Variants in DUSP19 observed in about 807,000 individuals in gnomAD.
The protein encoded by DUSP19 is dual specificity phosphatase 19.
DUSP19 carries 14 observed loss-of-function variants against 16.6 expected under a neutral mutation model. That is an observed-to-expected ratio of 0.84 (90% CI 0.56 to 1.32). The LOEUF is 1.32. Ranked by LOEUF, DUSP19 falls within the 40% of genes most tolerant of loss-of-function variation. The pLI, the probability that DUSP19 is intolerant of heterozygous loss-of-function variation, is 0.00. For synonymous variants in DUSP19, 81 were observed against 90.5 expected, an observed-to-expected ratio of 0.90 and a Z score of 0.59; for missense variants, 258 against 255.9, an observed-to-expected ratio of 1.01 and a Z score of -0.06.
At chr2:183,086,651 GAAAAAAA>G (rs71008262) in intron 2 of DUSP19, among the ~76,000 whole-genome samples, 6 of 95,710 alleles carry the variant, frequency 6.3e-5, no homozygotes, top group Non-Finnish European at 8.2e-5. Context: ...CCTCTTCTCT[GAAAAAAA>G]AAAAAAAAAA....
intron 2 of DUSP19, among the ~76,000 whole-genome samples, chr2:183,084,460 A>T (rs1699634983): frequency 6.6e-6 from 1 of 152,086 alleles, no homozygotes; most frequent in Non-Finnish European, 1.5e-5. Flanking sequence ...GTTCATACAG[A>T]ATAAATGATA....
chr2:183,081,348 C>T (rs1699589991), intron 1 of DUSP19, among the ~76,000 whole-genome samples: 1 of 152,158 alleles, frequency 6.6e-6, no homozygotes, highest in African/African-American at 2.4e-5. Context: ...CAGGCTCCAG[C>T]GATCGTCCCA....
chr2:183,094,788 A>G (rs1699776460), intron 3 of DUSP19, among the ~76,000 whole-genome samples: 1 of 152,228 alleles, frequency 6.6e-6, no homozygotes. Context: ...GTGCAAGGGT[A>G]GAAAATTTTT....
At chr2:183,088,980 T>G (rs1575095779) in intron 3 of DUSP19, among the ~76,000 whole-genome samples, 1 of 152,308 alleles carries the variant, frequency 6.6e-6, no homozygotes, top group East Asian at 1.9e-4. Flanking sequence ...GTTAATCATA[T>G]CTAGAAAGAA....
Position 183,096,067 on chromosome 2 carries a change from G to A in DUSP19, c.*409G>A, listed in dbSNP as rs771860418. The A allele has an allele frequency of 1.3e-5, 2 of 152,880 alleles. No homozygotes were observed. The highest frequency in any genetic ancestry group is 6.5e-5 in the Admixed American group (1 of 15,314). 9.5% of individuals were successfully genotyped at this position (152,880 alleles called of 1,614,324 possible). A position where few individuals can be genotyped will look rare whatever the true frequency, so the allele number is the denominator to read the frequency against. Reference sequence around the variant, plus strand: ...ACTTAACTTACTATTTCAAAGGGAAGTATATTTCTTTTTAAAGAATCTTTT... The same window carrying A: ...ACTTAACTTACTATTTCAAAGGGAAATATATTTCTTTTTAAAGAATCTTTT... On this transcript the variant is annotated 3_prime_UTR_variant, in exon 4 of 4. Transcript: ENST00000354221.
rs1401029792 is a variant in DUSP19 at position 183,095,664 on chromosome 2, A to G, written c.*6A>G. ...TACAGGAGAACAGTTCATGAGTTGC[A>G]TTGTAGCAGACAATGGACAACTGTA... On this transcript the variant is annotated 3_prime_UTR_variant, in exon 4 of 4. Transcript: ENST00000354221. 6.2e-7 allele frequency: 1 copy of G among 1,602,364 alleles called. No individual in the cohort carries two copies. Among genetic ancestry groups the G allele is most frequent in the Non-Finnish European group, 8.5e-7 (1 of 1,171,282 alleles).
In DUSP19 at chr2:183,097,834, A is replaced by T. The variant is rs568802229; in HGVS notation, c.*2176A>T. 6.6e-6 allele frequency: 1 copy of T among 152,270 alleles called. No individual in the cohort carries two copies. The highest frequency in any genetic ancestry group is 2.1e-4 in the South Asian group (1 of 4,822). 9.4% of individuals were successfully genotyped at this position (152,270 alleles called of 1,614,324 possible). A position where few individuals can be genotyped will look rare whatever the true frequency, so the allele number is the denominator to read the frequency against. Reference sequence around the variant, plus strand: ...AAATGTCACATGAAGCCTTGATAGAATTTGTTCATAATGGCTCATGTATTA... The same window carrying T: ...AAATGTCACATGAAGCCTTGATAGATTTTGTTCATAATGGCTCATGTATTA... On this transcript the variant is annotated 3_prime_UTR_variant, in exon 4 of 4. Coordinates refer to ENST00000354221, the MANE Select transcript of DUSP19 (RefSeq NM_080876.4).
intron 3 of DUSP19, among the ~76,000 whole-genome samples, chr2:183,090,194 A>G (rs1559129745): frequency 6.6e-6 from 1 of 152,168 alleles, no homozygotes; most frequent in African/African-American, 2.4e-5. Context: ...CTAATTACTC[A>G]GTGAATTACA....
chr2:183,079,343 A>C (rs1699562604), intron 1 of DUSP19, among the ~76,000 whole-genome samples, 184 bp downstream of exon 1: 1 of 152,170 alleles, frequency 6.6e-6, no homozygotes, highest in Non-Finnish European at 1.5e-5. Context: ...CAGTGTACCC[A>C]TAAGAAGCAT....
intron 3 of DUSP19, among the ~76,000 whole-genome samples, chr2:183,090,177 G>A (rs1051420676): frequency 1.3e-5 from 2 of 152,018 alleles, no homozygotes; most frequent in Non-Finnish European, 2.9e-5. Context: ...TTCAAGTATT[G>A]TTAAATCTAA....
chr2:183,083,351 A>T, intron 1 of DUSP19, 157 bp from the exon 2 acceptor site: 1 of 598,084 alleles, frequency 1.7e-6, no homozygotes, highest in Non-Finnish European at 2.9e-6. Flanking sequence ...GAGTTTATGT[A>T]GGATGACTGT....
chr2:183,095,540 T>A lies in DUSP19; in HGVS notation c.536T>A (p.Leu179Ter), dbSNP rs1699789345. 1 of 1,614,076 alleles carries A rather than the reference T, an allele frequency of 6.2e-7. No individual in the cohort carries two copies. The highest frequency in any genetic ancestry group is 2.2e-5 in the East Asian group (1 of 44,864). ...ACCTCATTTACCAGTGCTTTTTCTT[T>A]GGTGAAAAATGCAAGACCTTCCATA... Reference protein sequence around the residue: ...EQTSFTSAFSLVKNARPSICP... With the variant: ...EQTSFTSAFS The change falls in exon 4 of 4, where the codon TTG becomes TAG. Residue 179 changes from leucine (L) to a stop codon, truncating the protein, a stop_gained. Coordinates refer to ENST00000354221, the MANE Select transcript of DUSP19 (RefSeq NM_080876.4). LOFTEE classifies it high-confidence loss of function.
At chr2:183,085,853 T>TG (rs1223053676) in intron 2 of DUSP19, among the ~76,000 whole-genome samples, 6 of 54,688 alleles carry the variant, frequency 1.1e-4, no homozygotes, top group Admixed American at 3.4e-4. Context: ...TTAGGTTTTT[T>TG]TTTTTTTTTT....
At position 183,099,379 on chromosome 2, in the gene DUSP19, G is replaced by C. The variant is rs1468419001; in HGVS notation, c.*3721G>C. On this transcript the variant is annotated 3_prime_UTR_variant, in exon 4 of 4. Transcript: ENST00000354221. Reference sequence around the variant, plus strand: ...GCCTGAAGGATCCTGAACATATTTAGTTACCCTGTAGTTATTTAGGAATTT... The same window carrying C: ...GCCTGAAGGATCCTGAACATATTTACTTACCCTGTAGTTATTTAGGAATTT... 1 of 152,128 alleles carries C rather than the reference G, an allele frequency of 6.6e-6. No homozygotes were observed. The highest frequency in any genetic ancestry group is 2.4e-5 in the African/African-American group (1 of 41,438). The allele number at this position is 152,128 out of a possible 1,614,324, so 9.4% of individuals were successfully genotyped here.
rs1699834633 is a variant in DUSP19, at chr2:183,098,621, T to A, written c.*2963T>A. Reference sequence around the variant, plus strand: ...GTTTTTCAATAGATTATTCTGCCATTTTTTAAAGGAAAGGGAAAATGAAAA... The same window carrying A: ...GTTTTTCAATAGATTATTCTGCCATATTTTAAAGGAAAGGGAAAATGAAAA... On this transcript the variant is annotated 3_prime_UTR_variant, in exon 4 of 4. Transcript: ENST00000354221. The A allele has an allele frequency of 6.6e-6, 1 of 152,206 alleles. No homozygotes were observed. Among genetic ancestry groups the A allele is most frequent in the African/African-American group, 2.4e-5 (1 of 41,458 alleles). The allele number at this position is 152,206 out of a possible 1,614,324, so 9.4% of individuals were successfully genotyped here. A position where few individuals can be genotyped will look rare whatever the true frequency, so the allele number is the denominator to read the frequency against.
At position 183,095,459 on chromosome 2, in the gene DUSP19, C is replaced by T. The variant is rs144839699; in HGVS notation, c.455C>T (p.Ala152Val). ...KDGVVLVHCN[A>V]GVSRAAAIVI... The stretch of plus-strand genomic sequence containing the variant: ...GGAGTGGTTCTTGTTCATTGTAATG[C>T]AGGCGTTTCCAGGGCTGCTGCAATT... Residue 152 changes from alanine to valine, a missense_variant, in exon 4 of 4, where the codon GCA becomes GTA. Coordinates refer to ENST00000354221, the MANE Select transcript of DUSP19 (RefSeq NM_080876.4). 2.6e-5 allele frequency: 42 copies of T among 1,610,838 alleles called. No homozygotes were observed. The highest frequency in any genetic ancestry group is 3.5e-5 in the Non-Finnish European group (41 of 1,178,622).
chr2:183,085,847 GTTTTTTTTTT>G (rs71008261), intron 2 of DUSP19, among the ~76,000 whole-genome samples: 58 of 50,920 alleles, frequency 1.1e-3, no homozygotes, highest in African/African-American at 2.5e-3. Flanking sequence ...AGGTTGTTAG[GTTTTTTTTTT>G]TTTTTTTTTT....
chr2:183,086,967 A>C, intron 2 of DUSP19, 73 bp from the exon 3 acceptor site: 1 of 1,454,750 alleles, frequency 6.9e-7, no homozygotes, highest in Non-Finnish European at 9.3e-7. Context: ...TATAGATATC[A>C]ACACCCCAGT....
At chr2:183,084,950 G>A (rs1699641579) in intron 2 of DUSP19, among the ~76,000 whole-genome samples, 1 of 152,126 alleles carries the variant, frequency 6.6e-6, no homozygotes. Flanking sequence ...GGGAGAAGGA[G>A]GAGTCAAGGC....
Sources: allele counts gnomAD v4.1 joint callset (sites outside exome capture counted in the v4.1 genomes callset), GRCh38; gene constraint gnomAD v4.1.1; transcripts MANE v1.5; gene names NCBI Gene and HGNC (gene_info 2026-07-23, HGNC 2026-07-21).